The following HS1BP3 variants were observed in gnomAD, a reference collection of about 807,000 sequenced individuals.
The protein encoded by HS1BP3 is HCLS1 binding protein 3.
HS1BP3 carries 32 observed loss-of-function variants against 33.5 expected under a neutral mutation model. That is an observed-to-expected ratio of 0.95 (90% CI 0.72 to 1.28). The LOEUF is 1.28. HS1BP3 is among the 50% of genes most tolerant of loss of function. HS1BP3 has a pLI of 0.00. For synonymous variants in HS1BP3, 187 were observed against 209.2 expected (o/e 0.89, Z 0.92); for missense variants, 486 against 502.3 (o/e 0.97, Z 0.31).
chr2:20,599,181 G>A (rs1269250808), intron 2 of HS1BP3, among the ~76,000 whole-genome samples: 1 of 152,252 alleles, frequency 6.6e-6, no homozygotes, highest in Non-Finnish European at 1.5e-5. Flanking sequence ...AGCTGGGGCT[G>A]TTGGGATTCT....
At chr2:20,579,096 C>G (rs1693468805) in intron 5 of HS1BP3, among the ~76,000 whole-genome samples, 1 of 152,242 alleles carries the variant, frequency 6.6e-6, no homozygotes, top group Non-Finnish European at 1.5e-5. Flanking sequence ...CTAATATGCT[C>G]ATCTGGAGGC....
intron 2 of HS1BP3, among the ~76,000 whole-genome samples, chr2:20,610,742 A>C (rs899278181): frequency 6.6e-6 from 1 of 152,248 alleles, no homozygotes; most frequent in African/African-American, 2.4e-5. Context: ...GTAAATACCA[A>C]GGAGCACAAA....
At chr2:20,567,999 A>G (rs113628715) in intron 5 of HS1BP3, among the ~76,000 whole-genome samples, 8,561 of 152,160 alleles carry the variant, frequency 0.056, 240 homozygotes, top group South Asian at 0.061. Context: ...CCCCCTCCTC[A>G]CCTGCTCCTC....
At chr2:20,608,609 A>ACGGGCAT (rs1694250431) in intron 2 of HS1BP3, among the ~76,000 whole-genome samples, 1 of 150,160 alleles carries the variant, frequency 6.7e-6, no homozygotes, top group East Asian at 1.9e-4. Flanking sequence ...AGTAGCAGAA[A>ACGGGCAT]CGGGCATCCT....
intron 5 of HS1BP3, among the ~76,000 whole-genome samples, chr2:20,567,848 G>A (rs1693173154): frequency 1.3e-5 from 2 of 152,208 alleles, no homozygotes; most frequent in South Asian, 2.1e-4. Context: ...GTTTGCAGCA[G>A]CTTCAAGAAA....
At chr2:20,581,591 C>T (rs1160852096) in intron 5 of HS1BP3, among the ~76,000 whole-genome samples, 1 of 152,216 alleles carries the variant, frequency 6.6e-6, no homozygotes, top group African/African-American at 2.4e-5. Context: ...CTCAGGTGAT[C>T]TGCCTGCCTC....
rs552275421 is a variant in HS1BP3 at position 20,579,100 on chromosome 2, T to G, written c.303-18585A>C. Among the ~76,000 whole-genome samples, 31 of 152,386 alleles carry G rather than the reference T, an allele frequency of 2.0e-4. No homozygotes were observed. The South Asian group carries it at 6.4e-3, about 32-fold the overall frequency. Reference sequence around the variant, plus strand: ...CTGGGGCACTCCTAATATGCTCATCTGGAGGCTTCTGTTAAGTCCAGGAAA... The same window carrying G: ...CTGGGGCACTCCTAATATGCTCATCGGGAGGCTTCTGTTAAGTCCAGGAAA... On this transcript the variant is annotated intron_variant, in intron 5 of 5. Transcript: ENST00000446825.
intron 2 of HS1BP3, among the ~76,000 whole-genome samples, chr2:20,598,838 G>A (rs1422831457): frequency 6.6e-6 from 1 of 152,120 alleles, no homozygotes; most frequent in Admixed American, 6.5e-5. Context: ...GATTACAGGC[G>A]TGAGCCACCG....
At chr2:20,586,257 A>G (rs898058330) in intron 5 of HS1BP3, 2 of 152,208 alleles carry the variant, frequency 1.3e-5, no homozygotes, top group Non-Finnish European at 2.9e-5. Context: ...CTTTTGGACA[A>G]TGTTTTTATT....
At chr2:20,582,255 G>A (rs767036678) in intron 5 of HS1BP3, among the ~76,000 whole-genome samples, 17 of 152,310 alleles carry the variant, frequency 1.1e-4, no homozygotes, top group South Asian at 4.1e-4. Context: ...GAATAGCCTT[G>A]AGAGACACAG....
intron 5 of HS1BP3, among the ~76,000 whole-genome samples, chr2:20,562,958 C>G (rs113907787): frequency 6.6e-6 from 1 of 152,194 alleles, no homozygotes; most frequent in African/African-American, 2.4e-5. Flanking sequence ...CTCCCCAGTA[C>G]GCGACACCAG....
At position 20,605,094 on chromosome 2, in the gene HS1BP3, G is replaced by T. The variant is rs113471299; in HGVS notation, c.179-6829C>A. The stretch of plus-strand genomic sequence containing the variant: ...TTGGCAATAGCTTCAAATGTTTCCT[G>T]CCAAACCAGGGGAGAATTTGTCTTC... On this transcript the variant is annotated intron_variant, in intron 2 of 3. Transcript: ENST00000415264. 3.5e-3 allele frequency among the ~76,000 whole-genome samples: 526 copies of T among 152,292 alleles called. 4 individuals carry two copies. Among genetic ancestry groups the T allele is most frequent in the African/African-American group, 0.012 (512 of 41,548 alleles).
chr2:20,582,922 A>T (rs1693569429), intron 5 of HS1BP3, among the ~76,000 whole-genome samples: 1 of 152,074 alleles, frequency 6.6e-6, no homozygotes. Flanking sequence ...TGCCTGCTCC[A>T]GCCAGGCCAG....
chr2:20,602,165 C>T (rs1206122099), intron 2 of HS1BP3, among the ~76,000 whole-genome samples: 4 of 150,574 alleles, frequency 2.7e-5, no homozygotes, highest in African/African-American at 9.8e-5. Context: ...AAGACCTGCT[C>T]TCTTCTAGCT....
intron 1 of HS1BP3, among the ~76,000 whole-genome samples, 179 bp from the exon 2 acceptor site, chr2:20,645,684 GCTT>G (rs1695498180): frequency 1.3e-5 from 2 of 152,224 alleles, no homozygotes; most frequent in African/African-American, 4.8e-5. Context: ...CATAAGCCTG[GCTT>G]CCCAGGCCTC....
At chr2:20,634,475 T>A (rs1695060480) in intron 4 of HS1BP3, among the ~76,000 whole-genome samples, 1 of 152,144 alleles carries the variant, frequency 6.6e-6, no homozygotes, top group Admixed American at 6.5e-5. Flanking sequence ...CAGGCTGGAA[T>A]GAACAAAGAG....
chr2:20,562,279 CA>C (rs958406244), intron 5 of HS1BP3, among the ~76,000 whole-genome samples: 2 of 152,048 alleles, frequency 1.3e-5, no homozygotes, highest in African/African-American at 4.8e-5. Context: ...AGGAGTTTGA[CA>C]CCAGCCTGGG....
intron 2 of HS1BP3, 128 bp downstream of exon 2, chr2:20,645,212 G>C (rs547077046): frequency 6.7e-6 from 6 of 900,916 alleles, no homozygotes; most frequent in South Asian, 5.0e-5. Flanking sequence ...TGGTACTCCA[G>C]GCCCTGAGCA....
At chr2:20,643,765 C>CA (rs755397824) in intron 2 of HS1BP3, among the ~76,000 whole-genome samples, 22 of 151,650 alleles carry the variant, frequency 1.5e-4, no homozygotes, top group Non-Finnish European at 2.5e-4. Flanking sequence ...CTATGTCTAC[C>CA]AAAAAAATTA....
Sources: allele counts gnomAD v4.1 joint callset (sites outside exome capture counted in the v4.1 genomes callset), GRCh38; gene constraint gnomAD v4.1.1; transcripts MANE v1.5; gene names NCBI Gene and HGNC (gene_info 2026-07-23, HGNC 2026-07-21).